Variants in KANSL3 observed in about 807,000 individuals in gnomAD.
The protein encoded by KANSL3 is NSL complex protein NSL3.
Under a neutral mutation model 89.2 loss-of-function variants are expected in KANSL3, and 16 were observed. That is an observed-to-expected ratio of 0.18 (90% CI 0.12 to 0.27). The LOEUF is 0.27. KANSL3 is among the 10% of genes least tolerant of loss of function. The pLI is 1.00. For missense variants in KANSL3, 879 were observed against 1,110.6 expected, an observed-to-expected ratio of 0.79 and a Z score of 2.96; for synonymous variants, 385 against 419.7, an observed-to-expected ratio of 0.92 and a Z score of 1.01.
At chr2:96,631,205 T>C (rs1285592134) in intron 3 of KANSL3, 107 bp downstream of exon 3, 6 of 801,374 alleles carry the variant, frequency 7.5e-6, no homozygotes, top group Non-Finnish European at 1.2e-5. Context: ...GAGAACACTC[T>C]GACTTGTGTT....
At chr2:96,617,404 A>G (rs1423803915) in intron 5 of KANSL3, among the ~76,000 whole-genome samples, 1 of 152,190 alleles carries the variant, frequency 6.6e-6, no homozygotes, top group South Asian at 2.1e-4. Context: ...GCACTAAACC[A>G]GTCTTCTAAC....
chr2:96,599,642 A>G (rs1460793459), intron 20 of KANSL3: 1 of 308,204 alleles, frequency 3.2e-6, no homozygotes, highest in Non-Finnish European at 4.7e-6. Context: ...AGAAAAAAAA[A>G]TATGAGCCAC....
chr2:96,591,747 C>G (rs1318722244), downstream of KANSL3, among the ~76,000 whole-genome samples: 1 of 152,120 alleles, frequency 6.6e-6, no homozygotes, highest in Non-Finnish European at 1.5e-5. Context: ...AGAATTTGAA[C>G]TGAATGAAAG....
chr2:96,633,773 G>C (rs992033786), intron 2 of KANSL3, among the ~76,000 whole-genome samples: 1 of 151,992 alleles, frequency 6.6e-6, no homozygotes, highest in Admixed American at 6.6e-5. Context: ...ACTGCAGCAG[G>C]AGAATTGCTT....
chr2:96,598,136 C>T (rs1022409011), intron 20 of KANSL3: 16 of 985,290 alleles, frequency 1.6e-5, no homozygotes, highest in African/African-American at 5.2e-5. Flanking sequence ...TGTCCATCAA[C>T]ATGGCATCAG....
At chr2:96,625,797 A>C (rs151129824) in intron 3 of KANSL3, among the ~76,000 whole-genome samples, 13 of 152,344 alleles carry the variant, frequency 8.5e-5, no homozygotes, top group Non-Finnish European at 1.8e-4. Flanking sequence ...GGAGGCTAGA[A>C]AATTAAGTGG....
chr2:96,585,310 A>G, the KANSL3 span, among the ~76,000 whole-genome samples: 1 of 152,342 alleles, frequency 6.6e-6, no homozygotes, highest in African/African-American at 2.4e-5. Flanking sequence ...CCATCACAAA[A>G]AGGGCAAGGG....
At chr2:96,595,702 C>G in intron 20 of KANSL3, 71 bp from the exon 21 acceptor site, 1 of 1,495,812 alleles carries the variant, frequency 6.7e-7, no homozygotes, top group Non-Finnish European at 9.2e-7. Flanking sequence ...ACCCTCTATC[C>G]CAATTATCCC....
Position 96,612,872 on chromosome 2 carries a change from A to C in KANSL3, c.858T>G (p.Phe286Leu). Reference protein sequence around the residue: ...IASSGPSSSVFPTSRRHRFWQ... With the variant: ...IASSGPSSSVLPTSRRHRFWQ... ...AGAAGCGGTGGCGGCGTGAAGTGGG[A>C]AACACAGAGCTGGAGGGACCAGAGG... The change falls in exon 7 of 21, where the codon TTT (phenylalanine) becomes TTG (leucine). Residue 286 changes from phenylalanine (F) to leucine (L), a missense_variant. Phe to Leu is a conservative substitution (Grantham distance 22). Coordinates refer to ENST00000431828, the MANE Select transcript of KANSL3 (RefSeq NM_001115016.3). 1 of 1,573,212 alleles carries C rather than the reference A, an allele frequency of 6.4e-7. No individual in the cohort carries two copies. The highest frequency in any genetic ancestry group is 1.2e-5 in the South Asian group (1 of 85,342).
intron 3 of KANSL3, among the ~76,000 whole-genome samples, chr2:96,626,525 T>C (rs1653798497): frequency 6.6e-6 from 1 of 152,214 alleles, no homozygotes; most frequent in Non-Finnish European, 1.5e-5. Flanking sequence ...GAAGTTCTGA[T>C]TTCTAAGATA....
intron 9 of KANSL3, among the ~76,000 whole-genome samples, chr2:96,611,903 A>ATGTGTGTATGTGTGTGTG (rs1553417078): frequency 1.8e-5 from 2 of 113,304 alleles, no homozygotes; most frequent in African/African-American, 7.4e-5. Context: ...ATATACCCAT[A>ATGTGTGTATGTGTGTGTG]TGTGTGTGTG....
chr2:96,634,465 A>T (rs1365202670), intron 2 of KANSL3, among the ~76,000 whole-genome samples: 2 of 152,110 alleles, frequency 1.3e-5, no homozygotes, highest in Non-Finnish European at 2.9e-5. Flanking sequence ...GCAGTGAGCC[A>T]AGATTGCGCC....
At position 96,605,432 on chromosome 2, in the gene KANSL3, A is replaced by G. The variant is rs1470745300; in HGVS notation, c.1821T>C (p.Ser607=). Residue 607 remains serine (S), a synonymous_variant, in exon 15 of 21, where the codon AGT becomes AGC. Transcript: ENST00000431828. Reference sequence around the variant, plus strand: ...TGGAGGTCTTACTGCCAGGAAGGGGACTCGAGGGATGGTGTCGCTTCAGCT... The same window carrying G: ...TGGAGGTCTTACTGCCAGGAAGGGGGCTCGAGGGATGGTGTCGCTTCAGCT... ...RVQLKRHHPS[S]PLPGSKTSKR... 6.2e-7 allele frequency: 1 copy of G among 1,613,396 alleles called. No individual in the cohort carries two copies. The highest frequency in any genetic ancestry group is 1.7e-5 in the Admixed American group (1 of 59,994).
At chr2:96,601,584 C>T (rs780949394) in intron 20 of KANSL3, 59 bp downstream of exon 20, 21 of 1,576,350 alleles carry the variant, frequency 1.3e-5, no homozygotes, top group Non-Finnish European at 1.6e-5. Flanking sequence ...AGCCAGTCAG[C>T]TGGTCTTAAA....
chr2:96,637,228 A>C (rs2074366348), intron 1 of KANSL3, 43 bp from the exon 2 acceptor site: 12 of 697,588 alleles, frequency 1.7e-5, no homozygotes, highest in Middle Eastern at 3.4e-4. Flanking sequence ...CAATATCCTA[A>C]ATTTCTCCCA....
intron 3 of KANSL3, among the ~76,000 whole-genome samples, chr2:96,627,375 A>C (rs2072540425): frequency 6.6e-6 from 1 of 151,992 alleles, no homozygotes. Context: ...CCACCACACC[A>C]GCTAATTTTT....
chr2:96,607,123 G>C (rs1469241455), intron 14 of KANSL3: 1 of 1,001,200 alleles, frequency 1.0e-6, no homozygotes, highest in African/African-American at 1.7e-5. Context: ...TAAGAAAAAA[G>C]GTTGTAGAAA....
rs2071939557 is a variant in KANSL3, at chr2:96,624,567, G to A, written c.387-4805C>T. Among the ~76,000 whole-genome samples, 3 of 152,120 alleles carry A rather than the reference G, an allele frequency of 2.0e-5. No homozygotes were observed. In the South Asian group the frequency reaches 6.2e-4, roughly 32 times the overall value. ...GAGACAGTCTTGCTCTGTCGTCCAG[G>A]CTGGAGCGCAATGGCGTGATCTCGG... On this transcript the variant is annotated intron_variant, in intron 3 of 20. Transcript: ENST00000431828.
chr2:96,609,683 G>C (rs1479073973), intron 11 of KANSL3, 121 bp from the exon 12 acceptor site: 4 of 922,716 alleles, frequency 4.3e-6, no homozygotes, highest in Non-Finnish European at 7.0e-6. Flanking sequence ...GGCCATGTTA[G>C]CCTTAGGCAG....
Sources: allele counts gnomAD v4.1 joint callset (sites outside exome capture counted in the v4.1 genomes callset), GRCh38; gene constraint gnomAD v4.1.1; transcripts MANE v1.5; gene names NCBI Gene and HGNC (gene_info 2026-07-23, HGNC 2026-07-21).